TENM3: variants seen among roughly 807,000 people sequenced by gnomAD.
The protein encoded by TENM3 is teneurin transmembrane protein 3.
In TENM3, 63 loss-of-function variants were observed where a neutral mutation model predicts 255.1. That is an observed-to-expected ratio of 0.25 (90% confidence interval 0.20 to 0.30). TENM3 has a LOEUF of 0.30. Ranked by LOEUF, TENM3 falls within the 10% of genes least tolerant of loss-of-function variation. The probability of loss-of-function intolerance (pLI) is 1.00; values close to 1 mark genes in which losing one functional copy is unlikely to be tolerated. For missense variants in TENM3, 2,929 were observed against 3,461.1 expected (o/e 0.85, Z 3.86); for synonymous variants, 1,306 against 1,322.3 (o/e 0.99, Z 0.27).
the TENM3 span, among the ~76,000 whole-genome samples, chr4:181,456,120 T>G: frequency 8.5e-6 from 1 of 118,108 alleles, no homozygotes; most frequent in Non-Finnish European, 1.8e-5. Context: ...TGTGTATATA[T>G]ATATATATGT....
the TENM3 span, among the ~76,000 whole-genome samples, chr4:181,645,615 C>CA: frequency 6.6e-6 from 1 of 152,136 alleles, no homozygotes; most frequent in Middle Eastern, 3.4e-3. Context: ...TGGAACCTCT[C>CA]AAAAAAACCA....
chr4:182,283,776 AG>A (rs1201376656), intron 1 of TENM3, among the ~76,000 whole-genome samples: 2 of 152,220 alleles, frequency 1.3e-5, no homozygotes, highest in Non-Finnish European at 2.9e-5. Flanking sequence ...AAGAATGGGC[AG>A]ATGGGGCAGT....
the TENM3 span, among the ~76,000 whole-genome samples, chr4:182,132,838 A>G: frequency 1.3e-5 from 2 of 152,180 alleles, no homozygotes; most frequent in Admixed American, 6.5e-5. Context: ...TGGGCTCTGG[A>G]AAAAGTGTAA....
At chr4:182,659,071 G>T (rs896964792) in intron 6 of TENM3, among the ~76,000 whole-genome samples, 1 of 152,198 alleles carries the variant, frequency 6.6e-6, no homozygotes, top group African/African-American at 2.4e-5. Flanking sequence ...GATTCCTGGG[G>T]AGGGGAATTA....
chr4:182,530,392 A>G (rs1739649421), intron 3 of TENM3, among the ~76,000 whole-genome samples: 1 of 152,000 alleles, frequency 6.6e-6, no homozygotes, highest in Non-Finnish European at 1.5e-5. Context: ...TCCAGAAACT[A>G]CTCCTGAAAG....
upstream of TENM3, among the ~76,000 whole-genome samples, chr4:182,139,604 G>C (rs779007975): frequency 3.9e-5 from 6 of 152,200 alleles, no homozygotes; most frequent in Non-Finnish European, 8.8e-5. Context: ...GGCACTCTAT[G>C]ATAACTCTTA....
chr4:182,363,213 G>A (rs1422482439), intron 3 of TENM3, among the ~76,000 whole-genome samples: 1 of 152,192 alleles, frequency 6.6e-6, no homozygotes, highest in Non-Finnish European at 1.5e-5. Flanking sequence ...ATTGCTGTCA[G>A]GACTAGTCCA....
At position 182,623,553 on chromosome 4, in the gene TENM3, G is replaced by A. The variant is rs565344936; in HGVS notation, c.750-5098G>A. Among the ~76,000 whole-genome samples the A allele has an allele frequency of 9.9e-5, 15 of 150,848 alleles. No homozygotes were observed. The East Asian group carries it at 2.4e-3, about 24-fold the overall frequency. The stretch of plus-strand genomic sequence containing the variant: ...TCAGTGTGTTGGCCGGGCTGGTCTC[G>A]ACTCCTGAGCTTGTGATCCACCCGC... On this transcript the variant is annotated intron_variant, in intron 4 of 27. Transcript: ENST00000511685.
chr4:182,749,990 A>AAC (rs1554028879), intron 19 of TENM3, among the ~76,000 whole-genome samples: 1 of 48,758 alleles, frequency 2.1e-5, no homozygotes, highest in African/African-American at 4.8e-5. Flanking sequence ...AAGGAAAAAA[A>AAC]AAAAACCTCT....
chr4:182,277,885 T>TA (rs1410073203), intron 1 of TENM3, among the ~76,000 whole-genome samples: 2 of 152,214 alleles, frequency 1.3e-5, no homozygotes, highest in Admixed American at 1.3e-4. Flanking sequence ...CAAAATTACT[T>TA]AGATATACTT....
At chr4:181,873,277 C>A in the TENM3 span, among the ~76,000 whole-genome samples, 1 of 152,028 alleles carries the variant, frequency 6.6e-6, no homozygotes, top group Non-Finnish European at 1.5e-5. Flanking sequence ...CCATGTTGGC[C>A]AGGCTGGTCT....
At chr4:181,759,258 T>C in the TENM3 span, among the ~76,000 whole-genome samples, 4 of 152,182 alleles carry the variant, frequency 2.6e-5, no homozygotes, top group South Asian at 8.3e-4. Context: ...GGTGTGAGAA[T>C]GAAATGAAAT....
intron 4 of TENM3, among the ~76,000 whole-genome samples, chr4:182,613,552 A>G (rs573857364): frequency 2.6e-5 from 4 of 152,138 alleles, no homozygotes; most frequent in Non-Finnish European, 4.4e-5. Flanking sequence ...TAAATTTTAT[A>G]TAATTCTCCC....
At chr4:181,787,743 A>C in the TENM3 span, among the ~76,000 whole-genome samples, 1 of 152,110 alleles carries the variant, frequency 6.6e-6, no homozygotes, top group Non-Finnish European at 1.5e-5. Context: ...CCTATTACCT[A>C]TAAACCCTGT....
chr4:182,238,677 G>T (rs1002470576), upstream of TENM3, among the ~76,000 whole-genome samples: 24 of 152,186 alleles, frequency 1.6e-4, no homozygotes, highest in African/African-American at 5.6e-4. Flanking sequence ...TTCCCTGACT[G>T]TCGGTGCTCA....
the TENM3 span, among the ~76,000 whole-genome samples, chr4:182,119,279 C>T: frequency 2.0e-5 from 3 of 152,114 alleles, no homozygotes; most frequent in Non-Finnish European, 4.4e-5. Flanking sequence ...TTCCTCTCTC[C>T]CTGCCGAAGC....
At chr4:181,644,333 G>A in the TENM3 span, among the ~76,000 whole-genome samples, 1 of 151,860 alleles carries the variant, frequency 6.6e-6, no homozygotes, top group African/African-American at 2.4e-5. Context: ...GAGGGAAACT[G>A]TGATTGTCCA....
chr4:182,774,370 C>G (rs1764508792), intron 23 of TENM3, among the ~76,000 whole-genome samples: 1 of 152,128 alleles, frequency 6.6e-6, no homozygotes, highest in Non-Finnish European at 1.5e-5. Flanking sequence ...AAATTTTAAA[C>G]TGAGGCAGTA....
the TENM3 span, among the ~76,000 whole-genome samples, chr4:181,617,038 T>G: frequency 6.6e-6 from 1 of 152,188 alleles, no homozygotes; most frequent in African/African-American, 2.4e-5. Context: ...ATGTCTTCAG[T>G]GTCTTCTATA....
Sources: allele counts gnomAD v4.1 joint callset (sites outside exome capture counted in the v4.1 genomes callset), GRCh38; gene constraint gnomAD v4.1.1; transcripts MANE v1.5; gene names NCBI Gene and HGNC (gene_info 2026-07-23, HGNC 2026-07-21).